MRPS28: variants seen among roughly 807,000 people sequenced by gnomAD.
MRPS28 encodes small ribosomal subunit protein bS1m.
A neutral mutation model predicts 10.8 loss-of-function variants in MRPS28; 7 were observed. That is an observed-to-expected ratio of 0.65 (90% CI 0.37 to 1.22). The LOEUF (loss-of-function observed/expected upper bound fraction) is 1.22. MRPS28 is among the 50% of genes most tolerant of loss of function. MRPS28 has a pLI of 0.02. For synonymous variants in MRPS28, 121 were observed against 93.3 expected, an observed-to-expected ratio of 1.30 and a Z score of -1.71; for missense variants, 265 against 232.9, an observed-to-expected ratio of 1.14 and a Z score of -0.90.
chr8:79,969,104 T>TTA (rs1159842718), intron 2 of MRPS28, among the ~76,000 whole-genome samples: 1 of 152,206 alleles, frequency 6.6e-6, no homozygotes, highest in Non-Finnish European at 1.5e-5. Context: ...TCCTGTCCCT[T>TTA]AGACTATGAA....
rs1041170461 is a variant in MRPS28, at chr8:79,926,320, A to G, written c.396-7172T>C. On this transcript the variant is annotated intron_variant, in intron 2 of 2. Transcript: ENST00000276585. ...AAAATATATACATTTATTGACTGAA[A>G]CAAGTTTTTTCAGTGTAGCACAGAG... is the stretch of plus-strand genomic sequence containing the variant. Among the ~76,000 whole-genome samples, 3 of 152,342 alleles carry G rather than the reference A, an allele frequency of 2.0e-5. No individual in the cohort carries two copies. In the East Asian group the frequency reaches 5.8e-4, roughly 29 times the overall value.
chr8:79,955,016 T>C (rs554808926), intron 2 of MRPS28, among the ~76,000 whole-genome samples: 3 of 151,912 alleles, frequency 2.0e-5, no homozygotes, highest in African/African-American at 7.2e-5. Context: ...AAAAAGAATA[T>C]TGGAAGCTCC....
intron 2 of MRPS28, among the ~76,000 whole-genome samples, chr8:79,988,267 T>A (rs1229264883): frequency 9.5e-6 from 1 of 105,748 alleles, no homozygotes; most frequent in Non-Finnish European, 1.7e-5. Flanking sequence ...CTCTGGGGAC[T>A]ATCGTGGGGT....
At chr8:80,029,997 G>C in intron 1 of MRPS28, 39 bp downstream of exon 1, 1 of 1,598,202 alleles carries the variant, frequency 6.3e-7, no homozygotes. Flanking sequence ...CGTCGTTGGC[G>C]TAATTCCCGC....
At chr8:79,933,131 G>C (rs1185325440) in intron 2 of MRPS28, among the ~76,000 whole-genome samples, 1 of 152,192 alleles carries the variant, frequency 6.6e-6, no homozygotes, top group Non-Finnish European at 1.5e-5. Flanking sequence ...ATATTAGTTT[G>C]CTTGGGCTGC....
chr8:79,919,062 G>A lies in MRPS28; in HGVS notation c.482C>T (p.Thr161Ile), dbSNP rs1554566963. 1 of 1,611,250 alleles carries A rather than the reference G, an allele frequency of 6.2e-7. No homozygotes were observed. The highest frequency in any genetic ancestry group is 1.7e-5 in the Admixed American group (1 of 59,642). The change falls in exon 3 of 3, where the codon ACT becomes ATT. Residue 161 changes from threonine to isoleucine, a missense_variant. Coordinates refer to ENST00000276585, the MANE Select transcript of MRPS28 (RefSeq NM_014018.3). ...GAGAACTGCATTAGCCTCTAGTACA[G>A]TTGTATCTGTTGTTGCTCCCAGGAA... ...SRFLGATTDT[T>I]VLEANAVLLG...
At chr8:79,987,804 T>C (rs1262969938) in intron 2 of MRPS28, among the ~76,000 whole-genome samples, 1 of 152,108 alleles carries the variant, frequency 6.6e-6, no homozygotes, top group African/African-American at 2.4e-5. Context: ...TGTGGAGAAA[T>C]AGGAACACTT....
intron 2 of MRPS28, among the ~76,000 whole-genome samples, chr8:80,000,474 G>A (rs181478331): frequency 3.3e-5 from 5 of 152,208 alleles, no homozygotes; most frequent in South Asian, 2.1e-4. Context: ...GAGCCACCCC[G>A]TCTCCCCTCA....
intron 2 of MRPS28, among the ~76,000 whole-genome samples, chr8:79,989,831 C>T (rs960655475): frequency 6.6e-6 from 1 of 152,114 alleles, no homozygotes; most frequent in Non-Finnish European, 1.5e-5. Context: ...CTCATATTTC[C>T]AATCCCATGT....
chr8:79,947,312 T>C (rs1329675822), intron 2 of MRPS28, among the ~76,000 whole-genome samples: 1 of 152,202 alleles, frequency 6.6e-6, no homozygotes, highest in Non-Finnish European at 1.5e-5. Context: ...CATATGCCAA[T>C]ACCATACTGT....
chr8:79,980,858 T>C (rs1807934455), intron 2 of MRPS28, among the ~76,000 whole-genome samples: 1 of 152,184 alleles, frequency 6.6e-6, no homozygotes, highest in Non-Finnish European at 1.5e-5. Flanking sequence ...ATTTAAAACA[T>C]TAGGAAGATG....
intron 2 of MRPS28, among the ~76,000 whole-genome samples, chr8:79,981,627 T>C (rs1460116298): frequency 6.6e-6 from 1 of 152,178 alleles, no homozygotes; most frequent in African/African-American, 2.4e-5. Flanking sequence ...CTAGTAAAAA[T>C]GCTGAGTCTG....
At chr8:79,957,559 A>C (rs1332325881) in intron 2 of MRPS28, among the ~76,000 whole-genome samples, 1 of 151,950 alleles carries the variant, frequency 6.6e-6, no homozygotes, top group African/African-American at 2.4e-5. Context: ...AAAAAAAAAA[A>C]AAAAAAAACT....
At chr8:80,014,955 A>T (rs1274433360) in intron 1 of MRPS28, among the ~76,000 whole-genome samples, 1 of 152,204 alleles carries the variant, frequency 6.6e-6, no homozygotes, top group Non-Finnish European at 1.5e-5. Context: ...ATGTGGAGAG[A>T]CAAGTGAATG....
chr8:79,943,942 T>C (rs778377588), intron 2 of MRPS28, among the ~76,000 whole-genome samples: 3 of 152,150 alleles, frequency 2.0e-5, no homozygotes, highest in Admixed American at 6.5e-5. Context: ...ATATAGGGAA[T>C]AGTTCATTTT....
intron 1 of MRPS28, among the ~76,000 whole-genome samples, chr8:80,022,540 TC>T (rs1809394164): frequency 6.6e-6 from 1 of 152,204 alleles, no homozygotes; most frequent in South Asian, 2.1e-4. Flanking sequence ...AGCTGCCAAC[TC>T]CTAGACTGAG....
intron 2 of MRPS28, among the ~76,000 whole-genome samples, chr8:79,971,667 A>G (rs1415265821): frequency 1.3e-5 from 2 of 152,206 alleles, no homozygotes; most frequent in East Asian, 1.9e-4. Flanking sequence ...TTCAAGATTC[A>G]GACATGTTGT....
intron 2 of MRPS28, among the ~76,000 whole-genome samples, chr8:79,920,059 C>T (rs368265144): frequency 4.7e-5 from 7 of 150,092 alleles, no homozygotes; most frequent in Admixed American, 4.1e-4. Flanking sequence ...TTTGTCCTTA[C>T]GATAGTTTGC....
chr8:79,921,454 C>G (rs1039347551), intron 2 of MRPS28, among the ~76,000 whole-genome samples: 27 of 151,052 alleles, frequency 1.8e-4, no homozygotes, highest in African/African-American at 6.1e-4. Flanking sequence ...TTTGTATCCT[C>G]TTTTATTTCA....
Sources: gnomAD v4.1 joint callset for allele counts (sites outside exome capture counted in the v4.1 genomes callset) on GRCh38, gnomAD v4.1.1 for gene constraint, MANE v1.5 for transcripts, NCBI Gene and HGNC (gene_info 2026-07-23, HGNC 2026-07-21) for gene names.